Variants in CSMD1 observed in about 807,000 individuals in gnomAD.
CSMD1 encodes CUB and sushi domain-containing protein 1.
CSMD1 carries 213 observed loss-of-function variants against 417.5 expected under a neutral mutation model. The observed-to-expected ratio is 0.51, with a 90% confidence interval of 0.46 to 0.57. The LOEUF is 0.57. Ranked by LOEUF, CSMD1 falls within the 20% of genes least tolerant of loss-of-function variation. The probability of loss-of-function intolerance (pLI) is 0.00; values close to 1 mark genes in which losing one functional copy is unlikely to be tolerated. For missense variants in CSMD1, 6,923 were observed against 4,529.7 expected, an observed-to-expected ratio of 1.53 and a Z score of -15.17; for synonymous variants, 2,862 against 1,736.8, an observed-to-expected ratio of 1.65 and a Z score of -16.11.
intron 3 of CSMD1, among the ~76,000 whole-genome samples, chr8:4,039,774 C>G (rs1197555779): frequency 3.3e-5 from 5 of 152,130 alleles, no homozygotes; most frequent in Non-Finnish European, 7.3e-5. Flanking sequence ...TTGTGGCAAG[C>G]ATTTATAGAA....
Position 3,230,231 on chromosome 8 carries a change from G to A in CSMD1, c.4154C>T (p.Thr1385Ile), listed in dbSNP as rs765389719. The A allele has an allele frequency of 1.3e-6, 2 of 1,570,270 alleles. No individual in the cohort carries two copies. The highest frequency in any genetic ancestry group is 1.7e-6 in the Non-Finnish European group (2 of 1,156,194). The change falls in exon 27 of 70, where the codon ACC (threonine) becomes ATC (isoleucine). Residue 1385 changes from threonine to isoleucine, a missense_variant and splice_region_variant. Physicochemically the swap from Thr to Ile is moderately conservative, Grantham distance 89. Coordinates refer to ENST00000635120, the MANE Select transcript of CSMD1 (RefSeq NM_033225.6). Reference sequence around the variant, plus strand: ...ATCGTTACAGGTGGCTGCAATTGAGGCTGCAAACAAAAGAGAAGGCAAGGT... The same window carrying A: ...ATCGTTACAGGTGGCTGCAATTGAGACTGCAAACAAAAGAGAAGGCAAGGT... The part of the protein sequence containing the change: ...SKSGFSIQFS[T>I]SIAATCNDPG...
intron 3 of CSMD1, among the ~76,000 whole-genome samples, chr8:4,199,305 G>A (rs923282620): frequency 6.6e-6 from 1 of 152,134 alleles, no homozygotes; most frequent in Non-Finnish European, 1.5e-5. Flanking sequence ...CAGTGTATGG[G>A]TGCTTTTTCA....
intron 3 of CSMD1, among the ~76,000 whole-genome samples, chr8:4,312,529 A>C (rs78016498): frequency 0.049 from 7,331 of 151,070 alleles, 436 homozygotes; most frequent in East Asian, 0.24. Context: ...TTACTTATTG[A>C]GAATGATGAA....
chr8:4,770,116 G>A (rs375209741), intron 1 of CSMD1, among the ~76,000 whole-genome samples: 2 of 151,118 alleles, frequency 1.3e-5, no homozygotes, highest in African/African-American at 4.9e-5. Context: ...AATACTTAAC[G>A]TTGTTACAAT....
chr8:4,442,921 A>G (rs1339029523), intron 2 of CSMD1, among the ~76,000 whole-genome samples: 3 of 152,172 alleles, frequency 2.0e-5, no homozygotes, highest in Non-Finnish European at 4.4e-5. Context: ...ATAAACATAA[A>G]TGATATTTGT....
At chr8:3,408,499 C>T (rs959225271) in intron 13 of CSMD1, among the ~76,000 whole-genome samples, 20 of 147,332 alleles carry the variant, frequency 1.4e-4, no homozygotes, top group Admixed American at 7.3e-4. Context: ...TGACTGAAAA[C>T]GTGTGCCAAA....
intron 8 of CSMD1, among the ~76,000 whole-genome samples, chr8:3,604,402 T>C (rs1801505691): frequency 3.3e-5 from 5 of 152,224 alleles, no homozygotes; most frequent in Admixed American, 1.3e-4. Context: ...GGATTTTCTC[T>C]GGTCAGTATA....
chr8:3,275,485 G>C (rs1286831613), intron 26 of CSMD1, among the ~76,000 whole-genome samples: 12 of 152,174 alleles, frequency 7.9e-5, no homozygotes, highest in Admixed American at 5.2e-4. Flanking sequence ...TGCCTTGCTA[G>C]ATTGGGGAAG....
intron 50 of CSMD1, among the ~76,000 whole-genome samples, chr8:3,036,230 T>C (rs1020977500): frequency 6.6e-6 from 1 of 152,220 alleles, no homozygotes; most frequent in Admixed American, 6.5e-5. Context: ...GATAGAAGAA[T>C]AAACATTGCT....
At chr8:4,097,384 T>C (rs981327748) in intron 3 of CSMD1, among the ~76,000 whole-genome samples, 1 of 152,182 alleles carries the variant, frequency 6.6e-6, no homozygotes, top group Non-Finnish European at 1.5e-5. Context: ...CACACGGGTG[T>C]TATAAGAATT....
chr8:4,613,339 C>T (rs1252997720), intron 2 of CSMD1, among the ~76,000 whole-genome samples: 1 of 152,184 alleles, frequency 6.6e-6, no homozygotes, highest in East Asian at 1.9e-4. Context: ...GCCATGTCTA[C>T]AGGGTTGTCA....
At chr8:3,470,705 C>G (rs1431505202) in intron 11 of CSMD1, among the ~76,000 whole-genome samples, 1 of 152,048 alleles carries the variant, frequency 6.6e-6, no homozygotes, top group Non-Finnish European at 1.5e-5. Context: ...GTCCCTAACC[C>G]CTGGCAACCA....
chr8:4,835,777 G>A (rs6992030), intron 1 of CSMD1, among the ~76,000 whole-genome samples: 130,089 of 151,306 alleles, frequency 0.86, 57,515 homozygotes, highest in East Asian at 0.98. Context: ...AGCTGCAAAA[G>A]TGAGTAATTC....
chr8:3,248,222 T>A (rs1800008470), intron 26 of CSMD1, among the ~76,000 whole-genome samples: 1 of 152,272 alleles, frequency 6.6e-6, no homozygotes, highest in South Asian at 2.1e-4. Flanking sequence ...ATTAAAACCT[T>A]TACTGTAATA....
At chr8:4,084,286 T>C (rs189887443) in intron 3 of CSMD1, among the ~76,000 whole-genome samples, 55 of 151,608 alleles carry the variant, frequency 3.6e-4, no homozygotes, top group Middle Eastern at 6.9e-3. Flanking sequence ...GAAAAATCTT[T>C]CAACTTTTAT....
intron 10 of CSMD1, among the ~76,000 whole-genome samples, chr8:3,539,118 T>C (rs1017207360): frequency 1.3e-5 from 2 of 152,186 alleles, no homozygotes; most frequent in East Asian, 1.9e-4. Flanking sequence ...CACCCGCGGA[T>C]AGCAGGGACC....
chr8:4,613,290 C>T (rs1278376529), intron 2 of CSMD1, among the ~76,000 whole-genome samples: 3 of 152,176 alleles, frequency 2.0e-5, no homozygotes, highest in African/African-American at 2.4e-5. Context: ...ATCCATGCTC[C>T]GAGTGCCCAT....
At chr8:3,807,805 A>G (rs1800831011) in intron 5 of CSMD1, among the ~76,000 whole-genome samples, 1 of 152,164 alleles carries the variant, frequency 6.6e-6, no homozygotes, top group South Asian at 2.1e-4. Context: ...AGGCAGATGC[A>G]CAGACCCTCA....
At chr8:3,896,863 A>T (rs577843055) in intron 5 of CSMD1, among the ~76,000 whole-genome samples, 1 of 152,186 alleles carries the variant, frequency 6.6e-6, no homozygotes, top group Admixed American at 6.5e-5. Context: ...AAAATTTTAA[A>T]AAGCGCTTGT....
Sources: allele counts gnomAD v4.1 joint callset (sites outside exome capture counted in the v4.1 genomes callset), GRCh38; gene constraint gnomAD v4.1.1; transcripts MANE v1.5; gene names NCBI Gene and HGNC (gene_info 2026-07-23, HGNC 2026-07-21).